CARD9: variants seen among roughly 807,000 people sequenced by gnomAD.
CARD9 encodes caspase recruitment domain-containing protein 9.
CARD9 carries 53 observed loss-of-function variants against 66.0 expected under a neutral mutation model. The ratio of observed to expected loss-of-function variants is 0.80; its 90% confidence interval spans 0.64 to 1.01. The LOEUF is 1.01. CARD9 is among the 50% of genes least tolerant of loss of function. The pLI, the probability that CARD9 is intolerant of heterozygous loss-of-function variation, is 0.00. For synonymous variants in CARD9, 387 were observed against 313.8 expected (o/e 1.23, Z -2.47); for missense variants, 769 against 743.2 (o/e 1.03, Z -0.40).
At chr9:136,367,073 T>A in intron 9 of CARD9, 143 bp downstream of exon 9, 1 of 1,092,740 alleles carries the variant, frequency 9.2e-7, no homozygotes, top group South Asian at 1.3e-5. Flanking sequence ...GCCTTAGCAT[T>A]TGGCCACCTG....
In CARD9 at chr9:136,369,951, G is replaced by A. The variant is rs147295759; in HGVS notation, c.952-76C>T. On this transcript the variant is annotated intron_variant, in intron 6 of 12. Coordinates refer to ENST00000371732, the MANE Select transcript of CARD9 (RefSeq NM_052813.5). ...GCCCTTGGGGTATACTCCGGGCAGG[G>A]GCTCAGAAGCATGTGGTCAGGCCAG... 4,730 of 1,595,150 alleles carry A rather than the reference G, an allele frequency of 3.0e-3. 21 individuals are homozygous for A. Among genetic ancestry groups the A allele is most frequent in the Non-Finnish European group, 3.6e-3 (4,261 of 1,176,578 alleles).
chr9:136,365,951 T>A (rs773884233), intron 10 of CARD9: 1 of 152,418 alleles, frequency 6.6e-6, no homozygotes, highest in Non-Finnish European at 1.5e-5. Flanking sequence ...ACATGGGGGC[T>A]TGGCATCCCC....
At chr9:136,366,615 G>A (rs575498077) in intron 10 of CARD9, 185 bp downstream of exon 10, 4 of 671,194 alleles carry the variant, frequency 6.0e-6, no homozygotes, top group South Asian at 1.7e-5. Flanking sequence ...TTCCAGCTGG[G>A]CTCTGTAGTT....
At chr9:136,370,204 C>A (rs1335755751) in intron 6 of CARD9, 90 bp downstream of exon 6, 3 of 1,538,102 alleles carry the variant, frequency 2.0e-6, no homozygotes, top group South Asian at 2.4e-5. Flanking sequence ...GGTCTCCACA[C>A]CCCACCTTCC....
chr9:136,366,799 C>T lies in CARD9; in HGVS notation c.1357+1G>A, dbSNP rs776754422. 1.2e-6 allele frequency: 2 copies of T among 1,613,108 alleles called. No individual in the cohort carries two copies. The highest frequency in any genetic ancestry group is 1.1e-5 in the South Asian group (1 of 91,084). ...TGGGTGTACTGCTGTCCCCACCTCA[C>T]CTTTGTCTGAGAGCTGGGTGTCCTC... On this transcript the variant is annotated splice_donor_variant, in intron 10 of 12. Coordinates refer to ENST00000371732, the MANE Select transcript of CARD9 (RefSeq NM_052813.5). LOFTEE classifies it high-confidence loss of function.
At chr9:136,372,237 C>G (rs1006283071) in intron 1 of CARD9, 143 bp from the exon 2 acceptor site, 2 of 1,175,346 alleles carry the variant, frequency 1.7e-6, no homozygotes, top group South Asian at 1.3e-5. Context: ...GGAGAGGTGC[C>G]CAGCTCCATG....
Position 136,365,382 on chromosome 9 carries a change from C to T in CARD9, c.1358-165G>A, listed in dbSNP as rs904579215. The T allele has an allele frequency of 9.3e-6, 6 of 642,514 alleles. No individual in the cohort carries two copies. The East Asian group carries it at 1.7e-4, about 18-fold the overall frequency. The allele number at this position is 642,514 out of a possible 1,614,324, so 39.8% of individuals were successfully genotyped here. ...CTGCTTTCTGTAGATGAGACTGAGG[C>T]CTTATGGCCTCGCTTGCCTGTTCAT... On this transcript the variant is annotated intron_variant, in intron 10 of 12. Coordinates refer to ENST00000371732, the MANE Select transcript of CARD9 (RefSeq NM_052813.5).
chr9:136,370,860 T>C lies in CARD9; in HGVS notation c.608A>G (p.Asn203Ser). 6.3e-7 allele frequency: 1 copy of C among 1,599,604 alleles called. No homozygotes were observed. The highest frequency in any genetic ancestry group is 2.2e-5 in the East Asian group (1 of 44,590). Residue 203 changes from asparagine to serine, a missense_variant, in exon 4 of 13, where the codon AAC becomes AGC. Asn to Ser is a conservative substitution (Grantham distance 46, BLOSUM62 1). Coordinates refer to ENST00000371732, the MANE Select transcript of CARD9 (RefSeq NM_052813.5). ...GCGCACCTCCAGCTGCAGGTCACGG[T>C]TCCGCATGAGCGCGGCGCCCTTCTC... Reference protein sequence around the residue: ...SEEKGAALMRNRDLQLEIDQL... With the variant: ...SEEKGAALMRSRDLQLEIDQL...
chr9:136,369,561 T>C (rs758868174), intron 7 of CARD9, among the ~76,000 whole-genome samples, 189 bp downstream of exon 7: 2 of 152,094 alleles, frequency 1.3e-5, no homozygotes, highest in Non-Finnish European at 2.9e-5. Context: ...TCCCAGCACT[T>C]TGGGAGGCTG....
At chr9:136,365,320 G>T (rs1288431323) in intron 10 of CARD9, 103 bp from the exon 11 acceptor site, 1 of 1,092,676 alleles carries the variant, frequency 9.2e-7, no homozygotes. Flanking sequence ...TGTCTTCCAA[G>T]GCCTGGTGGG....
Position 136,365,146 on chromosome 9 carries a change from G to A in CARD9, c.1429C>T (p.Pro477Ser). ...ALHQEQVLRN[P>S]HDAGLSSGEP... ...CCACCCCGGGGAAGCCTTACATGGG[G>A]GTTCCGCAAAACCTGCTCCTGGTGC... Residue 477 changes from proline (P) to serine (S), a missense_variant, in exon 11 of 13, where the codon CCC becomes TCC. Pro to Ser is a moderately conservative substitution (Grantham distance 74). Transcript: ENST00000371732. The A allele has an allele frequency of 1.2e-6, 2 of 1,612,246 alleles. No homozygotes were observed. Among genetic ancestry groups the A allele is most frequent in the Non-Finnish European group, 1.7e-6 (2 of 1,179,882 alleles).
chr9:136,363,975 T>G lies in CARD9; in HGVS notation c.*327A>C. 2 of 1,132,698 alleles carry G rather than the reference T, an allele frequency of 1.8e-6. No homozygotes were observed. Among genetic ancestry groups the G allele is most frequent in the Non-Finnish European group, 2.6e-6 (2 of 771,256 alleles). The allele number at this position is 1,132,698 out of a possible 1,614,324, so 70.2% of individuals were successfully genotyped here. ...CGGGAATGCGGGTCACCCGTGCTGTTTATTTACGCAGCTGTGTTTTCTAAC... is the reference window on the plus strand; with the variant it reads ...CGGGAATGCGGGTCACCCGTGCTGTGTATTTACGCAGCTGTGTTTTCTAAC... On this transcript the variant is annotated 3_prime_UTR_variant, in exon 13 of 13. Transcript: ENST00000371732.
Position 136,371,313 on chromosome 9 carries a change from C to G in CARD9, c.322+11G>C. The G allele has an allele frequency of 6.3e-7, 1 of 1,599,826 alleles. No homozygotes were observed. Among genetic ancestry groups the G allele is most frequent in the Admixed American group, 1.7e-5 (1 of 58,286 alleles). On this transcript the variant is annotated intron_variant, in intron 3 of 12. Coordinates refer to ENST00000371732, the MANE Select transcript of CARD9 (RefSeq NM_052813.5). ...GCCTCCCCTGTCGGCCCCGCCTCCC[C>G]CGTCACTCACCGATGATCATGGAGA...
intron 2 of CARD9, 60 bp from the exon 3 acceptor site, chr9:136,371,521 G>A: frequency 6.8e-7 from 1 of 1,479,756 alleles, no homozygotes; most frequent in Non-Finnish European, 9.2e-7. Context: ...GGCTGGGGTG[G>A]GTGGGCCTGG....
intron 1 of CARD9, 99 bp from the exon 2 acceptor site, chr9:136,372,193 A>G (rs1833293809): frequency 1.3e-6 from 2 of 1,491,404 alleles, no homozygotes; most frequent in African/African-American, 2.8e-5. Context: ...GGCTCTCGTC[A>G]GGGCATCGAG....
intron 10 of CARD9, chr9:136,365,557 C>T (rs888932485): frequency 1.6e-5 from 6 of 371,128 alleles, no homozygotes; most frequent in African/African-American, 1.2e-4. Flanking sequence ...TCCCCCATCA[C>T]TCCAAAGCAT....
At position 136,364,469 on chromosome 9, in the gene CARD9, G is replaced by A; in HGVS notation, c.1511+14C>T. Reference sequence around the variant, plus strand: ...CCAGCCCGTTTTGGAGAAGCCTGGGGGCCGCCCGCCTACCTGCGGTAGTTC... The same window carrying A: ...CCAGCCCGTTTTGGAGAAGCCTGGGAGCCGCCCGCCTACCTGCGGTAGTTC... On this transcript the variant is annotated intron_variant, in intron 12 of 12. Coordinates refer to ENST00000371732, the MANE Select transcript of CARD9 (RefSeq NM_052813.5). 3.9e-6 allele frequency: 6 copies of A among 1,540,448 alleles called. No homozygotes were observed. Among genetic ancestry groups the A allele is most frequent in the Non-Finnish European group, 5.2e-6 (6 of 1,146,870 alleles).
intron 11 of CARD9, 184 bp from the exon 12 acceptor site, chr9:136,364,743 G>A (rs1215338314): frequency 3.1e-6 from 2 of 643,228 alleles, no homozygotes; most frequent in South Asian, 2.0e-5. Flanking sequence ...AGCCGGTGTG[G>A]GTAGCCTGCA....
At chr9:136,371,499 G>A (rs1402783390) in intron 2 of CARD9, 38 bp from the exon 3 acceptor site, 4 of 1,549,606 alleles carry the variant, frequency 2.6e-6, no homozygotes, top group Middle Eastern at 2.0e-4. Context: ...GCGGGGCACA[G>A]GCGAGGCAGA....
Sources: allele counts gnomAD v4.1 joint callset (sites outside exome capture counted in the v4.1 genomes callset), GRCh38; gene constraint gnomAD v4.1.1; transcripts MANE v1.5; gene names NCBI Gene and HGNC (gene_info 2026-07-23, HGNC 2026-07-21).